Variants in PCDHGB3 observed in about 807,000 individuals in gnomAD.
PCDHGB3 encodes the protein protocadherin gamma-B3.
In PCDHGB3, 40 loss-of-function variants were observed where a neutral mutation model predicts 59.2. The ratio of observed to expected loss-of-function variants is 0.68; its 90% CI spans 0.52 to 0.88. The LOEUF is 0.88. Ranked by LOEUF, PCDHGB3 falls within the 40% of genes least tolerant of loss-of-function variation. PCDHGB3 has a pLI of 0.00. For synonymous variants in PCDHGB3, 581 were observed against 503.6 expected, an observed-to-expected ratio of 1.15 and a Z score of -2.06; for missense variants, 1,309 against 1,187.9, an observed-to-expected ratio of 1.10 and a Z score of -1.50.
At chr5:141,466,754 C>T (rs1045917268) in intron 1 of PCDHGB3, among the ~76,000 whole-genome samples, 1 of 152,138 alleles carries the variant, frequency 6.6e-6, no homozygotes, top group African/African-American at 2.4e-5. Context: ...GATAGGGGCT[C>T]TTTTCAAACT....
Position 141,371,952 on chromosome 5 carries a change from T to A in PCDHGB3, c.1558T>A (p.Phe520Ile). The change falls in exon 1 of 4, where the codon TTC becomes ATC. Residue 520 changes from phenylalanine (F) to isoleucine (I), a missense_variant. Physicochemically the swap from Phe to Ile is conservative, Grantham distance 21. Transcript: ENST00000576222. The stretch of plus-strand genomic sequence containing the variant: ...CGGGGTGGTGTTCGCGCAGCGAGCC[T>A]TCGACCACGAGCAGCTGCGTGCCTT... Reference protein sequence around the residue: ...RSGVVFAQRAFDHEQLRAFEL... With the variant: ...RSGVVFAQRAIDHEQLRAFEL... 6.2e-7 allele frequency: 1 copy of A among 1,613,260 alleles called. No homozygotes were observed.
chr5:141,370,690 A>C lies in PCDHGB3; in HGVS notation c.296A>C (p.Lys99Thr). Residue 99 changes from lysine to threonine, a missense_variant, in exon 1 of 4, where the codon AAG becomes ACG. Lys to Thr is a moderately conservative substitution (Grantham distance 78). Transcript: ENST00000576222. ...RIDREEICGK[K>T]STCVLEFEMV... ...GACCGAGAGGAGATTTGTGGCAAGA[A>C]GTCGACGTGTGTTCTGGAATTTGAA... 1.2e-6 allele frequency: 2 copies of C among 1,613,828 alleles called. No individual in the cohort carries two copies. Among genetic ancestry groups the C allele is most frequent in the African/African-American group, 2.7e-5 (2 of 75,062 alleles).
intron 1 of PCDHGB3, chr5:141,379,485 T>TA (rs755973263): frequency 2.0e-5 from 3 of 152,260 alleles, no homozygotes; most frequent in Non-Finnish European, 4.4e-5. Flanking sequence ...TATTTTACTA[T>TA]ACTACCAATT....
intron 1 of PCDHGB3, among the ~76,000 whole-genome samples, chr5:141,451,493 T>C (rs1554137340): frequency 2.0e-5 from 3 of 152,230 alleles, no homozygotes; most frequent in Admixed American, 2.0e-4. Context: ...TGGACCTCCA[T>C]AGGGCAACCA....
chr5:141,494,764 T>A (rs773955144), intron 1 of PCDHGB3, 43 bp from the exon 2 acceptor site: 1 of 1,613,932 alleles, frequency 6.2e-7, no homozygotes, highest in Non-Finnish European at 8.5e-7. Context: ...ACATTCTAAC[T>A]TCTCACGGGT....
intron 1 of PCDHGB3, chr5:141,395,626 G>A (rs57582939): frequency 0.038 from 6,997 of 184,208 alleles, 191 homozygotes; most frequent in African/African-American, 0.067. Context: ...TTATCAAGAA[G>A]TCTAAAGCCT....
intron 1 of PCDHGB3, chr5:141,409,546 C>A (rs775680397): frequency 6.2e-7 from 1 of 1,613,880 alleles, no homozygotes; most frequent in African/African-American, 1.3e-5. Flanking sequence ...TCAACGACAA[C>A]GCCCCAGTTT....
At position 141,478,875 on chromosome 5, in the gene PCDHGB3, G is replaced by A. The variant is rs913320768; in HGVS notation, c.2416-15932G>A. On this transcript the variant is annotated intron_variant, in intron 1 of 3. Coordinates refer to ENST00000576222, the MANE Select transcript of PCDHGB3 (RefSeq NM_018924.5). ...ACAAGATCTCAGCGATCAGAGTTTA[G>A]CTTGGTATCATTTACATTAGGAATA... The A allele has an allele frequency of 2.4e-6, 3 of 1,273,470 alleles. No homozygotes were observed. The South Asian group carries it at 4.8e-5, about 21-fold the overall frequency. 78.9% of individuals were successfully genotyped at this position (1,273,470 alleles called of 1,614,324 possible).
chr5:141,492,125 C>T (rs1284932830), intron 1 of PCDHGB3, among the ~76,000 whole-genome samples: 1 of 152,222 alleles, frequency 6.6e-6, no homozygotes, highest in Non-Finnish European at 1.5e-5. Context: ...TTCTCCCCAG[C>T]TCCCAGCATC....
chr5:141,378,356 C>G (rs1244158802), intron 1 of PCDHGB3: 2 of 152,218 alleles, frequency 1.3e-5, no homozygotes, highest in African/African-American at 4.8e-5. Flanking sequence ...AACCCCGTCT[C>G]TACTAAAAAT....
intron 1 of PCDHGB3, among the ~76,000 whole-genome samples, chr5:141,464,921 G>A (rs1562002597): frequency 6.6e-6 from 1 of 151,106 alleles, no homozygotes; most frequent in Non-Finnish European, 1.5e-5. Flanking sequence ...TTATTTTTTT[G>A]TAGAGATGTG....
chr5:141,374,887 C>G lies in PCDHGB3; in HGVS notation c.2415+2078C>G, dbSNP rs1248527882. On this transcript the variant is annotated intron_variant, in intron 1 of 3. Coordinates refer to ENST00000576222, the MANE Select transcript of PCDHGB3 (RefSeq NM_018924.5). Reference sequence around the variant, plus strand: ...CAGTGTTGGCAGTGACTGCCACCGACCAGGATGAAGGAGTCCACGGGGAAG... The same window carrying G: ...CAGTGTTGGCAGTGACTGCCACCGAGCAGGATGAAGGAGTCCACGGGGAAG... The G allele has an allele frequency of 1.9e-6, 3 of 1,613,670 alleles. No individual in the cohort carries two copies. In the African/African-American group the frequency reaches 4.0e-5, roughly 22 times the overall value.
At chr5:141,395,029 A>G (rs1589250627) in intron 1 of PCDHGB3, 1 of 1,613,976 alleles carries the variant, frequency 6.2e-7, no homozygotes, top group Non-Finnish European at 8.5e-7. Context: ...CCTGCCTCAC[A>G]TTTTGTGGGT....
Position 141,485,399 on chromosome 5 carries a change from C to T in PCDHGB3, c.2416-9408C>T. On this transcript the variant is annotated intron_variant, in intron 1 of 3. Coordinates refer to ENST00000576222, the MANE Select transcript of PCDHGB3 (RefSeq NM_018924.5). This position sits in a 1 kb window ranked among gnomAD's most constrained non-coding sequence, Gnocchi z 5.7. ...TGGAGAGGTGAACCAAAGACACTTC[C>T]GTGTGGATTTGGACAGCGGAGCCCT... 3 of 1,614,000 alleles carry T rather than the reference C, an allele frequency of 1.9e-6. No homozygotes were observed. The highest frequency in any genetic ancestry group is 2.5e-6 in the Non-Finnish European group (3 of 1,179,922).
Position 141,491,819 on chromosome 5 carries a change from G to C in PCDHGB3, c.2416-2988G>C. The C allele has an allele frequency of 6.7e-7, 1 of 1,482,028 alleles. No individual in the cohort carries two copies. Among genetic ancestry groups the C allele is most frequent in the Non-Finnish European group, 9.0e-7 (1 of 1,116,648 alleles). The allele number at this position is 1,482,028 out of a possible 1,614,324, so 91.8% of individuals were successfully genotyped here. A position where few individuals can be genotyped will look rare whatever the true frequency, so the allele number is the denominator to read the frequency against. On this transcript the variant is annotated intron_variant, in intron 1 of 3. Transcript: ENST00000576222. This position sits in a 1 kb window ranked among gnomAD's most constrained non-coding sequence, Gnocchi z 6.9. ...TCCGGCCGGCTTGGTCGCTGGCTGCGCTCCACCCGATTCTCGGGATCATTG... is the reference window on the plus strand; with the variant it reads ...TCCGGCCGGCTTGGTCGCTGGCTGCCCTCCACCCGATTCTCGGGATCATTG...
chr5:141,402,857 A>G, intron 1 of PCDHGB3: 2 of 1,425,270 alleles, frequency 1.4e-6, no homozygotes, highest in Non-Finnish European at 1.8e-6. Context: ...CTTTCTTCTA[A>G]GGAAAAGATC....
At chr5:141,411,631 C>G (rs570915798) in intron 1 of PCDHGB3, 1 of 151,812 alleles carries the variant, frequency 6.6e-6, no homozygotes, top group South Asian at 2.1e-4. Context: ...TGCTGTAATC[C>G]CAGCACTTTG....
At chr5:141,435,306 T>C (rs2154556603) in intron 1 of PCDHGB3, among the ~76,000 whole-genome samples, 1 of 152,358 alleles carries the variant, frequency 6.6e-6, no homozygotes, top group East Asian at 1.9e-4. Flanking sequence ...TGGTTTTAAA[T>C]CATTCATGAA....
chr5:141,489,126 T>A lies in PCDHGB3; in HGVS notation c.2416-5681T>A. ...TGCAAGCAGGCAAACCTCCGAGCAGTTTTTAAGAGGCTGGAAGGAGACATA... is the reference window on the plus strand; with the variant it reads ...TGCAAGCAGGCAAACCTCCGAGCAGATTTTAAGAGGCTGGAAGGAGACATA... On this transcript the variant is annotated intron_variant, in intron 1 of 3. Transcript: ENST00000576222. This position sits in a 1 kb window ranked among gnomAD's most constrained non-coding sequence, Gnocchi z 4.5. 1.7e-6 allele frequency: 1 copy of A among 585,136 alleles called. No individual in the cohort carries two copies. Among genetic ancestry groups the A allele is most frequent in the Non-Finnish European group, 2.7e-6 (1 of 375,012 alleles). The allele number at this position is 585,136 out of a possible 1,614,324, so 36.2% of individuals were successfully genotyped here.
Sources: gnomAD v4.1 joint callset for allele counts (sites outside exome capture counted in the v4.1 genomes callset) on GRCh38, gnomAD v4.1.1 for gene constraint, Gnocchi (gnomAD v3.1) non-coding constraint, MANE v1.5 for transcripts, NCBI Gene and HGNC (gene_info 2026-07-23, HGNC 2026-07-21) for gene names.